Variants in CELF2 observed in about 807,000 individuals in gnomAD.
The protein encoded by CELF2 is CUG triplet repeat RNA-binding protein 2.
A neutral mutation model predicts 62.6 loss-of-function variants in CELF2; 8 were observed. The observed-to-expected ratio is 0.13, with a 90% confidence interval of 0.07 to 0.23. CELF2 has a LOEUF of 0.23. Ranked by LOEUF, CELF2 falls within the 10% of genes least tolerant of loss-of-function variation. CELF2 has a pLI of 1.00. For synonymous variants in CELF2, 258 were observed against 250.0 expected (o/e 1.03, Z -0.30); for missense variants, 333 against 671.0 (o/e 0.50, Z 5.56).
At chr10:10,760,474 G>C in the CELF2 span, among the ~76,000 whole-genome samples, 28 of 152,288 alleles carry the variant, frequency 1.8e-4, no homozygotes, top group African/African-American at 6.7e-4. Context: ...TATTATTCGT[G>C]TATTTCCTTA....
chr10:10,820,064 T>C (rs2056827126), intron 1 of CELF2, among the ~76,000 whole-genome samples: 2 of 152,182 alleles, frequency 1.3e-5, no homozygotes. Context: ...ATAAGTCTCA[T>C]GGAATCTGAT....
chr10:10,626,019 G>A, the CELF2 span, among the ~76,000 whole-genome samples: 2 of 152,056 alleles, frequency 1.3e-5, no homozygotes, highest in South Asian at 4.2e-4. Context: ...TGCCACTTGC[G>A]GACTTGCAAT....
At chr10:11,055,563 C>A (rs2065045146) in intron 1 of CELF2, among the ~76,000 whole-genome samples, 1 of 152,240 alleles carries the variant, frequency 6.6e-6, no homozygotes, top group Admixed American at 6.5e-5. Flanking sequence ...TTATGAGTGA[C>A]TGGGATAGAT....
At position 11,075,030 on chromosome 10, in the gene CELF2, A is replaced by C. The variant is rs2071417958; in HGVS notation, c.74+56867A>C. 6.6e-6 allele frequency: 1 copy of C among 152,232 alleles called. No individual in the cohort carries two copies. Among genetic ancestry groups the C allele is most frequent in the Non-Finnish European group, 1.5e-5 (1 of 68,046 alleles). 9.4% of individuals were successfully genotyped at this position (152,232 alleles called of 1,614,324 possible). A position where few individuals can be genotyped will look rare whatever the true frequency, so the allele number is the denominator to read the frequency against. Reference sequence around the variant, plus strand: ...GCTGCAAGAACAACCTCTTTGACTCAGAATGGAATTGAAAGATGCTTTCGA... The same window carrying C: ...GCTGCAAGAACAACCTCTTTGACTCCGAATGGAATTGAAAGATGCTTTCGA... On this transcript the variant is annotated intron_variant, in intron 1 of 12. Transcript: ENST00000633077. The surrounding 1 kb of genome is among the most constrained non-coding windows in gnomAD (Gnocchi z 5.4).
chr10:10,887,875 G>A lies in CELF2; in HGVS notation c.54-32089G>A, dbSNP rs529836238. Among the ~76,000 whole-genome samples, 81 of 151,956 alleles carry A rather than the reference G, an allele frequency of 5.3e-4. 1 individual carries two copies. Among genetic ancestry groups the A allele is most frequent in the African/African-American group, 1.9e-3 (78 of 41,428 alleles). On this transcript the variant is annotated intron_variant, in intron 1 of 13. Transcript: ENST00000636488. ...CAACCTCCACCTCCCAAGTTCAAGC[G>A]ATTCTCCTGCCTCAACCTCCTGAGT...
intron 1 of CELF2, among the ~76,000 whole-genome samples, chr10:11,055,720 C>A (rs370610191): frequency 1.2e-4 from 19 of 152,208 alleles, no homozygotes; most frequent in Non-Finnish European, 2.2e-4. Flanking sequence ...CTGGAAGGCA[C>A]GGCAGACTAT....
the CELF2 span, among the ~76,000 whole-genome samples, chr10:10,529,443 A>C: frequency 1.7e-4 from 26 of 152,238 alleles, 1 homozygote; most frequent in East Asian, 4.5e-3. Flanking sequence ...TCCCAGCACT[A>C]TGGGAGGCCA....
chr10:11,248,198 G>A (rs1443103999), intron 3 of CELF2, among the ~76,000 whole-genome samples: 7 of 152,186 alleles, frequency 4.6e-5, no homozygotes, highest in African/African-American at 1.7e-4. Context: ...TGAAGCAGGA[G>A]GACCTTTGGA....
chr10:10,682,910 A>G, the CELF2 span, among the ~76,000 whole-genome samples: 1 of 152,008 alleles, frequency 6.6e-6, no homozygotes, highest in Admixed American at 6.6e-5. Context: ...CTGTTTTGAG[A>G]ATGGAAGCAG....
At chr10:11,018,544 C>T (rs1377873753) in intron 1 of CELF2, among the ~76,000 whole-genome samples, 1 of 145,612 alleles carries the variant, frequency 6.9e-6, no homozygotes, top group Non-Finnish European at 1.5e-5. Flanking sequence ...CGGGGCGCGG[C>T]GTCCCGGGGT....
intron 2 of CELF2, among the ~76,000 whole-genome samples, chr10:11,202,947 C>T (rs1320591012): frequency 1.9e-5 from 1 of 52,630 alleles, no homozygotes; most frequent in Non-Finnish European, 4.4e-5. Context: ...CTCTCTCTCT[C>T]TCTCTGTGTG....
At chr10:10,605,263 G>A in the CELF2 span, among the ~76,000 whole-genome samples, 1 of 151,940 alleles carries the variant, frequency 6.6e-6, no homozygotes, top group African/African-American at 2.4e-5. Flanking sequence ...ACACACTGAG[G>A]CTTGTCGGGG....
At chr10:10,981,746 G>A (rs539193331) in intron 2 of CELF2, among the ~76,000 whole-genome samples, 27 of 152,184 alleles carry the variant, frequency 1.8e-4, no homozygotes, top group African/African-American at 5.8e-4. Flanking sequence ...CTATGTGCCC[G>A]GCATTGTGCC....
the CELF2 span, among the ~76,000 whole-genome samples, chr10:10,498,787 A>T: frequency 6.6e-6 from 1 of 152,364 alleles, no homozygotes; most frequent in South Asian, 2.1e-4. Flanking sequence ...AACTCATTTC[A>T]TTAAAAAGGA....
At chr10:10,992,940 C>A (rs2053587011) in intron 2 of CELF2, among the ~76,000 whole-genome samples, 1 of 152,150 alleles carries the variant, frequency 6.6e-6, no homozygotes, top group African/African-American at 2.4e-5. Context: ...CTAAAGCCCA[C>A]AACCACAGCT....
the CELF2 span, among the ~76,000 whole-genome samples, chr10:10,585,574 T>A: frequency 6.6e-6 from 1 of 152,174 alleles, no homozygotes; most frequent in African/African-American, 2.4e-5. Context: ...CTTATTCTGT[T>A]TTTGGAAATA....
chr10:10,864,924 A>G (rs71491553), intron 1 of CELF2, among the ~76,000 whole-genome samples: 7 of 152,202 alleles, frequency 4.6e-5, no homozygotes, highest in Non-Finnish European at 1.0e-4. Context: ...ATATATATTC[A>G]CAATATAAGA....
chr10:10,995,678 C>G lies in CELF2; in HGVS notation c.89+75679C>G, dbSNP rs762533985. 6.6e-6 allele frequency among the ~76,000 whole-genome samples: 1 copy of G among 152,126 alleles called. No individual in the cohort carries two copies. Among genetic ancestry groups the G allele is most frequent in the Non-Finnish European group, 1.5e-5 (1 of 68,030 alleles). On this transcript the variant is annotated intron_variant, in intron 2 of 13. Transcript: ENST00000636488. The surrounding 1 kb of genome is among the most constrained non-coding windows in gnomAD (Gnocchi z 4.7). ...GTTGTAAGCGGGAGACAGCTATGAC[C>G]ATATTTCAGTATTAAATAACTCTGG...
At chr10:10,847,980 A>T (rs904423063) in intron 1 of CELF2, among the ~76,000 whole-genome samples, 1 of 152,222 alleles carries the variant, frequency 6.6e-6, no homozygotes, top group East Asian at 1.9e-4. Context: ...ATCAAAGCAC[A>T]TATAGAAGAT....
Sources: allele counts gnomAD v4.1 joint callset (sites outside exome capture counted in the v4.1 genomes callset), GRCh38; gene constraint gnomAD v4.1.1; non-coding constraint Gnocchi (gnomAD v3.1); transcripts MANE v1.5; gene names NCBI Gene and HGNC (gene_info 2026-07-23, HGNC 2026-07-21).